Variants in VWA8 observed in about 807,000 individuals in gnomAD.
The protein encoded by VWA8 is von Willebrand factor A domain-containing protein 8.
A neutral mutation model predicts 241.5 loss-of-function variants in VWA8; 221 were observed. The observed-to-expected ratio is 0.91, with a 90% CI of 0.82 to 1.02. The LOEUF (loss-of-function observed/expected upper bound fraction) is 1.02, where lower values mean the gene tolerates loss of function less well. Among genes scored for constraint, VWA8 ranks in the 50% least tolerant of loss-of-function variants. The pLI is 0.00. For missense variants in VWA8, 2,322 were observed against 2,328.7 expected (o/e 1.00, Z 0.06); for synonymous variants, 852 against 827.1 (o/e 1.03, Z -0.52).
chr13:41,852,107 C>T (rs1001381771), intron 12 of VWA8, among the ~76,000 whole-genome samples: 2 of 152,090 alleles, frequency 1.3e-5, no homozygotes, highest in African/African-American at 4.8e-5. Context: ...TTTATCTTTT[C>T]GATATTAGCC....
chr13:41,881,733 C>T (rs1874210941), intron 9 of VWA8, among the ~76,000 whole-genome samples: 1 of 99,280 alleles, frequency 1.0e-5, no homozygotes, highest in African/African-American at 3.5e-5. Context: ...TGGGGGCTGA[C>T]CCCCCCACCT....
At position 41,570,483 on chromosome 13, in the gene VWA8, C is replaced by G. The variant is rs371191777; in HGVS notation, c.5594G>C (p.Gly1865Ala). 6.2e-7 allele frequency: 1 copy of G among 1,614,106 alleles called. No homozygotes were observed. Among genetic ancestry groups the G allele is most frequent in the Non-Finnish European group, 8.5e-7 (1 of 1,179,992 alleles). Residue 1865 changes from glycine to alanine, a missense_variant, in exon 44 of 45, where the codon GGT becomes GCT. Gly to Ala is a moderately conservative substitution (Grantham distance 60). Transcript: ENST00000379310. ...NAFAIFIGSLGDQATRLQRTL... is the reference protein window; with the variant it reads ...NAFAIFIGSLADQATRLQRTL... ...TGACACTTACCTGGTTGCTTGATCACCTAAAGAGCCAATAAAAATGGCAAA... is the reference window on the plus strand; with the variant it reads ...TGACACTTACCTGGTTGCTTGATCAGCTAAAGAGCCAATAAAAATGGCAAA...
chr13:41,950,906 T>C lies in VWA8; in HGVS notation c.164-893A>G, dbSNP rs577546346. ...CTGGTCTTGAACTCCTGACCTCAAG[T>C]GATCCGCCCACCTCGGCCTCCCAAA... On this transcript the variant is annotated intron_variant, in intron 1 of 44. Coordinates refer to ENST00000379310, the MANE Select transcript of VWA8 (RefSeq NM_015058.2). 4.0e-5 allele frequency among the ~76,000 whole-genome samples: 6 copies of C among 151,374 alleles called. No individual in the cohort carries two copies. In the South Asian group the frequency reaches 1.3e-3, roughly 32 times the overall value.
rs527527422 is a variant in VWA8 at position 41,573,672 on chromosome 13, C to T, written c.5370+2068G>A. Among the ~76,000 whole-genome samples the T allele has an allele frequency of 2.7e-5, 4 of 149,352 alleles. No individual in the cohort carries two copies. In the East Asian group the frequency reaches 7.8e-4, roughly 29 times the overall value. On this transcript the variant is annotated intron_variant, in intron 43 of 44. Coordinates refer to ENST00000379310, the MANE Select transcript of VWA8 (RefSeq NM_015058.2). ...GCTCTGTCGCCCAGGCTGGAGACCT[C>T]AGTGGCGTGATCTTGGTTCGCTGCA...
chr13:41,799,560 A>T (rs1869853626), intron 17 of VWA8, among the ~76,000 whole-genome samples: 1 of 152,148 alleles, frequency 6.6e-6, no homozygotes, highest in African/African-American at 2.4e-5. Flanking sequence ...TCCAGACTCT[A>T]TTCTTCATGC....
intron 37 of VWA8, among the ~76,000 whole-genome samples, chr13:41,627,112 GAC>G (rs1250128911): frequency 3.3e-5 from 5 of 151,896 alleles, no homozygotes; most frequent in African/African-American, 1.2e-4. Flanking sequence ...TGGGCAAAGA[GAC>G]ACTTCTCAAA....
At chr13:41,724,370 T>C (rs1371116860) in intron 24 of VWA8, among the ~76,000 whole-genome samples, 3 of 151,332 alleles carry the variant, frequency 2.0e-5, no homozygotes, top group Non-Finnish European at 4.4e-5. Context: ...ATTAAGAGGT[T>C]TGTGTGTGTG....
chr13:41,883,624 A>G (rs983811585), intron 8 of VWA8, 133 bp from the exon 9 acceptor site: 6 of 622,786 alleles, frequency 9.6e-6, no homozygotes, highest in African/African-American at 9.3e-5. Flanking sequence ...CTGTAAGTCT[A>G]CAAAAGCAAA....
intron 9 of VWA8, among the ~76,000 whole-genome samples, chr13:41,872,648 T>C (rs577646903): frequency 1.3e-5 from 2 of 152,264 alleles, no homozygotes; most frequent in South Asian, 4.1e-4. Context: ...AGGGCTCTGT[T>C]CTGTTCCATT....
intron 12 of VWA8, among the ~76,000 whole-genome samples, chr13:41,842,729 C>T (rs919477959): frequency 1.3e-5 from 2 of 152,170 alleles, no homozygotes; most frequent in African/African-American, 4.8e-5. Context: ...CATCAAGATA[C>T]ACAACCAAAT....
At chr13:41,743,223 T>C (rs7996196) in intron 21 of VWA8, among the ~76,000 whole-genome samples, 42,373 of 152,022 alleles carry the variant, frequency 0.28, 6,371 homozygotes, top group Non-Finnish European at 0.33. Flanking sequence ...ACTTTATTAG[T>C]AGAAACATGT....
chr13:41,703,856 C>T (rs1347162116), intron 26 of VWA8, among the ~76,000 whole-genome samples: 1 of 151,068 alleles, frequency 6.6e-6, no homozygotes, highest in Non-Finnish European at 1.5e-5. Context: ...CGGCTCACCA[C>T]AACCTCTGCC....
intron 9 of VWA8, among the ~76,000 whole-genome samples, chr13:41,876,717 T>C (rs778734584): frequency 1.3e-5 from 2 of 152,174 alleles, no homozygotes; most frequent in Admixed American, 6.5e-5. Context: ...ATGAATAATC[T>C]TTTTTGAGTG....
At chr13:41,854,705 G>C (rs1342642916) in intron 12 of VWA8, among the ~76,000 whole-genome samples, 2 of 152,044 alleles carry the variant, frequency 1.3e-5, no homozygotes, top group Non-Finnish European at 2.9e-5. Flanking sequence ...TGGAGCTAAT[G>C]AAATACAGTA....
chr13:41,647,283 G>C (rs2044838162), intron 37 of VWA8, among the ~76,000 whole-genome samples: 1 of 152,160 alleles, frequency 6.6e-6, no homozygotes, highest in Admixed American at 6.5e-5. Context: ...GATGTGTCAG[G>C]TTTAGCGTGA....
chr13:41,845,382 G>C (rs1250247960), intron 12 of VWA8, among the ~76,000 whole-genome samples: 1 of 152,098 alleles, frequency 6.6e-6, no homozygotes, highest in Non-Finnish European at 1.5e-5. Context: ...GGGAATGTTA[G>C]TTCAGCCACT....
intron 20 of VWA8, among the ~76,000 whole-genome samples, chr13:41,762,886 C>T (rs1384604549): frequency 2.6e-5 from 4 of 151,928 alleles, no homozygotes; most frequent in Middle Eastern, 3.2e-3. Context: ...GAATATAGGG[C>T]GTTTGGAAAG....
chr13:41,859,106 T>A (rs546579796), intron 12 of VWA8, among the ~76,000 whole-genome samples: 6 of 140,076 alleles, frequency 4.3e-5, no homozygotes, highest in Admixed American at 7.1e-5. Context: ...AAAGTCAGCG[T>A]CAAAAAAAAA....
intron 14 of VWA8, among the ~76,000 whole-genome samples, chr13:41,822,203 G>T (rs945349339): frequency 4.6e-5 from 7 of 152,104 alleles, no homozygotes; most frequent in African/African-American, 1.4e-4. Context: ...AACAAAAAAA[G>T]ACTTCAAAAA....
Sources: gnomAD v4.1 joint callset for allele counts (sites outside exome capture counted in the v4.1 genomes callset) on GRCh38, gnomAD v4.1.1 for gene constraint, MANE v1.5 for transcripts, NCBI Gene and HGNC (gene_info 2026-07-23, HGNC 2026-07-21) for gene names.